ADGRL3: variants seen among roughly 807,000 people sequenced by gnomAD.
ADGRL3 encodes adhesion G protein-coupled receptor L3, also known as calcium-independent alpha-latrotoxin receptor 3.
Under a neutral mutation model 153.5 loss-of-function variants are expected in ADGRL3, and 62 were observed. That is an observed-to-expected ratio of 0.40 (90% CI 0.33 to 0.50). The LOEUF is 0.50. Ranked by LOEUF, ADGRL3 falls within the 20% of genes least tolerant of loss-of-function variation. The pLI, the probability that ADGRL3 is intolerant of heterozygous loss-of-function variation, is 0.47. For synonymous variants in ADGRL3, 710 were observed against 672.5 expected (o/e 1.06, Z -0.86); for missense variants, 1,641 against 1,859.4 (o/e 0.88, Z 2.16).
At chr4:61,970,084 G>A (rs2099021407) in intron 17 of ADGRL3, among the ~76,000 whole-genome samples, 1 of 152,150 alleles carries the variant, frequency 6.6e-6, no homozygotes, top group Admixed American at 6.6e-5. Context: ...TAGAATGATT[G>A]TGGATAAATT....
chr4:61,720,656 G>C (rs1426306042), intron 6 of ADGRL3, among the ~76,000 whole-genome samples: 1 of 152,136 alleles, frequency 6.6e-6, no homozygotes, highest in Non-Finnish European at 1.5e-5. Flanking sequence ...GTTGTGCTCT[G>C]GTGAGAAGCC....
chr4:61,446,636 T>C (rs1465086892), intron 2 of ADGRL3, among the ~76,000 whole-genome samples: 1 of 152,136 alleles, frequency 6.6e-6, no homozygotes, highest in Admixed American at 6.5e-5. Flanking sequence ...ATAAAGATAA[T>C]ATGTTGGTTG....
At chr4:61,257,218 C>G (rs1012565001) in intron 1 of ADGRL3, among the ~76,000 whole-genome samples, 1 of 152,152 alleles carries the variant, frequency 6.6e-6, no homozygotes, top group Non-Finnish European at 1.5e-5. Context: ...AAGTCTATCA[C>G]TGACACATTT....
chr4:62,006,803 G>T (rs2099160965), intron 21 of ADGRL3, among the ~76,000 whole-genome samples: 1 of 151,980 alleles, frequency 6.6e-6, no homozygotes, highest in Non-Finnish European at 1.5e-5. Context: ...CAATTGAAAT[G>T]GTGACTTTCC....
intron 8 of ADGRL3, among the ~76,000 whole-genome samples, chr4:61,791,347 T>C (rs1044086319): frequency 1.3e-5 from 2 of 152,120 alleles, no homozygotes; most frequent in Non-Finnish European, 2.9e-5. Flanking sequence ...AAGTCCAAAA[T>C]CCAGGGAGGG....
At chr4:61,481,790 A>G (rs1384179047) in intron 2 of ADGRL3, among the ~76,000 whole-genome samples, 1 of 152,134 alleles carries the variant, frequency 6.6e-6, no homozygotes, top group Non-Finnish European at 1.5e-5. Context: ...ATTAAATAAT[A>G]TTCTTACTCT....
At chr4:61,774,219 C>T (rs1274775856) in intron 8 of ADGRL3, among the ~76,000 whole-genome samples, 11 of 151,266 alleles carry the variant, frequency 7.3e-5, no homozygotes, top group South Asian at 2.1e-4. Context: ...TAGCAGGGCA[C>T]GGTGGCAGGT....
chr4:61,673,746 A>G (rs1246288743), intron 5 of ADGRL3, among the ~76,000 whole-genome samples: 5 of 151,304 alleles, frequency 3.3e-5, no homozygotes, highest in South Asian at 2.1e-4. Flanking sequence ...ATATAAAAAT[A>G]GTATTCCAGA....
intron 1 of ADGRL3, among the ~76,000 whole-genome samples, chr4:61,369,155 T>C (rs1248350571): frequency 6.6e-6 from 1 of 152,162 alleles, no homozygotes; most frequent in Non-Finnish European, 1.5e-5. Flanking sequence ...TTTCTAGATA[T>C]ACAATCATGT....
chr4:61,583,896 G>A (rs112845630), intron 4 of ADGRL3, among the ~76,000 whole-genome samples: 5 of 151,888 alleles, frequency 3.3e-5, no homozygotes, highest in Admixed American at 3.3e-4. Flanking sequence ...AAATTATTAC[G>A]TTATGAGTCA....
chr4:61,321,668 A>G (rs1028742080), intron 1 of ADGRL3, among the ~76,000 whole-genome samples: 3 of 151,628 alleles, frequency 2.0e-5, no homozygotes, highest in Admixed American at 6.6e-5. Flanking sequence ...TGAATACTGA[A>G]GATAATTGTA....
intron 1 of ADGRL3, among the ~76,000 whole-genome samples, chr4:61,219,703 G>A (rs550073286): frequency 3.0e-4 from 45 of 152,126 alleles, no homozygotes; most frequent in African/African-American, 9.2e-4. Context: ...TATTTTCCCC[G>A]TGTTCTGCCC....
At chr4:62,035,778 C>A (rs192557805) in intron 23 of ADGRL3, among the ~76,000 whole-genome samples, 1 of 152,116 alleles carries the variant, frequency 6.6e-6, no homozygotes, top group Admixed American at 6.6e-5. Context: ...TCATAGAGCA[C>A]CCATGAAATT....
intron 2 of ADGRL3, among the ~76,000 whole-genome samples, chr4:61,393,234 G>T (rs1465318800): frequency 3.9e-5 from 6 of 152,070 alleles, no homozygotes; most frequent in African/African-American, 1.4e-4. Flanking sequence ...AGAAGAAAAA[G>T]TTAGTTGGCC....
At chr4:61,491,111 T>C (rs1192300494) in intron 2 of ADGRL3, among the ~76,000 whole-genome samples, 1 of 152,128 alleles carries the variant, frequency 6.6e-6, no homozygotes, top group Non-Finnish European at 1.5e-5. Flanking sequence ...TGTCCTACTC[T>C]TTTCCTCTGG....
At chr4:61,376,747 G>T (rs1431828054) in intron 1 of ADGRL3, among the ~76,000 whole-genome samples, 1 of 152,154 alleles carries the variant, frequency 6.6e-6, no homozygotes, top group Non-Finnish European at 1.5e-5. Flanking sequence ...CTTCCTGAGG[G>T]TGGGTTATTC....
chr4:62,054,030 A>T (rs1210637944), intron 25 of ADGRL3, among the ~76,000 whole-genome samples: 1 of 151,650 alleles, frequency 6.6e-6, no homozygotes, highest in Non-Finnish European at 1.5e-5. Flanking sequence ...TTGACTACAT[A>T]CCATTAGCAG....
chr4:61,249,300 A>C (rs182944172), intron 1 of ADGRL3, among the ~76,000 whole-genome samples: 2 of 152,224 alleles, frequency 1.3e-5, no homozygotes, highest in East Asian at 1.9e-4. Context: ...TTATCAGAAA[A>C]CCCAACATAT....
intron 9 of ADGRL3, among the ~76,000 whole-genome samples, chr4:61,836,611 C>G (rs1332537222): frequency 6.6e-6 from 1 of 152,074 alleles, no homozygotes; most frequent in Non-Finnish European, 1.5e-5. Context: ...ATGTAAAACC[C>G]AAATGTCTTC....
Sources: gnomAD v4.1 joint callset for allele counts (sites outside exome capture counted in the v4.1 genomes callset) on GRCh38, gnomAD v4.1.1 for gene constraint, MANE v1.5 for transcripts, NCBI Gene and HGNC (gene_info 2026-07-23, HGNC 2026-07-21) for gene names.